Variants in SCAMP1 observed in about 807,000 individuals in gnomAD.
SCAMP1 encodes secretory carrier-associated membrane protein 1.
SCAMP1 carries 15 observed loss-of-function variants against 41.8 expected under a neutral mutation model. That is an observed-to-expected ratio of 0.36 (90% CI 0.24 to 0.55). The LOEUF (loss-of-function observed/expected upper bound fraction) is 0.55. Ranked by LOEUF, SCAMP1 falls within the 20% of genes least tolerant of loss-of-function variation. The probability of loss-of-function intolerance (pLI) is 0.86; values close to 1 mark genes in which losing one functional copy is unlikely to be tolerated. For missense variants in SCAMP1, 341 were observed against 412.6 expected, an observed-to-expected ratio of 0.83 and a Z score of 1.50; for synonymous variants, 135 against 136.8, an observed-to-expected ratio of 0.99 and a Z score of 0.09.
chr5:78,413,712 C>T (rs1054860667), intron 2 of SCAMP1, among the ~76,000 whole-genome samples: 10 of 152,158 alleles, frequency 6.6e-5, no homozygotes, highest in African/African-American at 2.4e-4. Context: ...GCCTCTGCAC[C>T]CAGCCGGTTC....
Position 78,360,722 on chromosome 5 carries a change from C to T in SCAMP1, c.51C>T (p.Pro17=), listed in dbSNP as rs774879025. The part of the protein sequence containing the change: ...NPFADPDLNN[P]FKDPSVTQVT... The stretch of plus-strand genomic sequence containing the variant: ...TTGCCGACCCGGATCTCAACAATCC[C>T]TTCAAGGTGAGCTTCGGCCCCAGCA... Residue 17 remains proline (P), a synonymous_variant, in exon 1 of 9, where the codon CCC becomes CCT. Transcript: ENST00000621999. The T allele has an allele frequency of 3.7e-6, 6 of 1,608,636 alleles. No individual in the cohort carries two copies. The highest frequency in any genetic ancestry group is 5.1e-6 in the Non-Finnish European group (6 of 1,177,862).
intron 1 of SCAMP1, among the ~76,000 whole-genome samples, chr5:78,373,068 C>T (rs1467191400): frequency 6.6e-6 from 1 of 152,092 alleles, no homozygotes; most frequent in Admixed American, 6.6e-5. Context: ...AAACCTTAAG[C>T]AGTGTGGTTC....
intron 2 of SCAMP1, among the ~76,000 whole-genome samples, chr5:78,404,871 A>T (rs191291455): frequency 6.6e-6 from 1 of 152,282 alleles, no homozygotes; most frequent in East Asian, 1.9e-4. Flanking sequence ...GAGTTCCTGG[A>T]GATAAAACAA....
chr5:78,450,924 T>C (rs928556110), intron 7 of SCAMP1, among the ~76,000 whole-genome samples: 2 of 152,378 alleles, frequency 1.3e-5, no homozygotes, highest in Non-Finnish European at 2.9e-5. Context: ...AGAAAATTTA[T>C]ATAGATATTT....
chr5:78,386,337 A>C (rs1377533595), intron 1 of SCAMP1, among the ~76,000 whole-genome samples: 1 of 152,090 alleles, frequency 6.6e-6, no homozygotes, highest in Non-Finnish European at 1.5e-5. Context: ...CCTTAAGTTT[A>C]TGTGAGTACT....
intron 5 of SCAMP1, among the ~76,000 whole-genome samples, chr5:78,421,249 A>T (rs966555709): frequency 6.6e-6 from 1 of 152,322 alleles, no homozygotes; most frequent in Non-Finnish European, 1.5e-5. Context: ...TAATAAATTT[A>T]ATCCTCTACC....
At chr5:78,408,656 A>G (rs1293975572) in intron 2 of SCAMP1, among the ~76,000 whole-genome samples, 2 of 152,114 alleles carry the variant, frequency 1.3e-5, no homozygotes, top group African/African-American at 4.8e-5. Context: ...GCTGGAGTGT[A>G]GTGGCATGAT....
intron 7 of SCAMP1, among the ~76,000 whole-genome samples, chr5:78,455,753 CT>C (rs200050757): frequency 0.033 from 4,487 of 137,416 alleles, 155 homozygotes; most frequent in East Asian, 0.23. Context: ...GACTTTCTGT[CT>C]TGTTGATCTG....
chr5:78,414,849 TC>T (rs1752170670), intron 2 of SCAMP1, among the ~76,000 whole-genome samples: 1 of 152,216 alleles, frequency 6.6e-6, no homozygotes, highest in South Asian at 2.1e-4. Flanking sequence ...TGTATACTCT[TC>T]AGAGCACTGG....
At position 78,476,790 on chromosome 5, in the gene SCAMP1, A is replaced by T. The variant is rs1176237113; in HGVS notation, c.*1122A>T. 7 of 152,702 alleles carry T rather than the reference A, an allele frequency of 4.6e-5. No individual in the cohort carries two copies. The highest frequency in any genetic ancestry group is 1.7e-4 in the African/African-American group (7 of 41,574). 9.5% of individuals were successfully genotyped at this position (152,702 alleles called of 1,614,324 possible). A position where few individuals can be genotyped will look rare whatever the true frequency, so the allele number is the denominator to read the frequency against. The stretch of plus-strand genomic sequence containing the variant: ...TTTTTGAGACAGACTGAATATATCT[A>T]AAATTTCCAGCAATAAAAAAAAAAG... On this transcript the variant is annotated 3_prime_UTR_variant, in exon 9 of 9. Coordinates refer to ENST00000621999, the MANE Select transcript of SCAMP1 (RefSeq NM_004866.6).
intron 1 of SCAMP1, among the ~76,000 whole-genome samples, chr5:78,385,805 AAG>A (rs1216063391): frequency 1.3e-5 from 2 of 152,072 alleles, no homozygotes; most frequent in African/African-American, 4.8e-5. Flanking sequence ...TGTGGTCTGA[AAG>A]AGTACTTGAT....
intron 1 of SCAMP1, among the ~76,000 whole-genome samples, chr5:78,367,647 G>C (rs909589747): frequency 2.0e-5 from 3 of 152,190 alleles, no homozygotes; most frequent in Non-Finnish European, 4.4e-5. Flanking sequence ...TAAAAGGAGT[G>C]GCAAGCAATA....
intron 7 of SCAMP1, 24 bp from the exon 8 acceptor site, chr5:78,459,221 A>G: frequency 9.0e-7 from 1 of 1,105,114 alleles, no homozygotes. Context: ...CTTTTGCCTA[A>G]TTACACTTTT....
At chr5:78,440,632 T>C (rs1752896402) in intron 6 of SCAMP1, among the ~76,000 whole-genome samples, 1 of 152,150 alleles carries the variant, frequency 6.6e-6, no homozygotes, top group Non-Finnish European at 1.5e-5. Flanking sequence ...GGGAGGTGCC[T>C]CCCAGTTAGG....
chr5:78,466,958 C>T (rs942026501), intron 8 of SCAMP1, among the ~76,000 whole-genome samples: 1 of 152,110 alleles, frequency 6.6e-6, no homozygotes, highest in African/African-American at 2.4e-5. Flanking sequence ...CAAGATAAGA[C>T]TCAAGGATGA....
intron 6 of SCAMP1, among the ~76,000 whole-genome samples, chr5:78,449,554 T>C (rs771637205): frequency 6.6e-6 from 1 of 152,218 alleles, no homozygotes; most frequent in Non-Finnish European, 1.5e-5. Flanking sequence ...TATATAAATA[T>C]GTCAAAAATT....
intron 5 of SCAMP1, among the ~76,000 whole-genome samples, chr5:78,419,954 AT>A (rs1170485651): frequency 6.6e-6 from 1 of 152,188 alleles, no homozygotes; most frequent in African/African-American, 2.4e-5. Flanking sequence ...TAAATGTCTG[AT>A]TCCATATATG....
intron 7 of SCAMP1, among the ~76,000 whole-genome samples, chr5:78,452,759 C>T (rs1246439467): frequency 2.0e-5 from 3 of 148,056 alleles, no homozygotes; most frequent in Non-Finnish European, 4.5e-5. Context: ...TGAGGAATCG[C>T]CACACTGACT....
chr5:78,373,955 A>G (rs190246660), intron 1 of SCAMP1, among the ~76,000 whole-genome samples: 2 of 152,286 alleles, frequency 1.3e-5, no homozygotes, highest in Admixed American at 6.5e-5. Context: ...TTAAAATTTT[A>G]TATAATTACT....
Sources: allele counts gnomAD v4.1 joint callset (sites outside exome capture counted in the v4.1 genomes callset), GRCh38; gene constraint gnomAD v4.1.1; transcripts MANE v1.5; gene names NCBI Gene and HGNC (gene_info 2026-07-23, HGNC 2026-07-21).